BICC1: variants seen among roughly 807,000 people sequenced by gnomAD.
The protein encoded by BICC1 is protein bicaudal C homolog 1.
A neutral mutation model predicts 111.0 loss-of-function variants in BICC1; 43 were observed. The ratio of observed to expected loss-of-function variants is 0.39; its 90% confidence interval spans 0.30 to 0.50. The LOEUF is 0.50. BICC1 is among the 20% of genes least tolerant of loss of function. The pLI is 0.88. For synonymous variants in BICC1, 467 were observed against 434.4 expected, an observed-to-expected ratio of 1.07 and a Z score of -0.93; for missense variants, 1,091 against 1,203.2, an observed-to-expected ratio of 0.91 and a Z score of 1.38.
At chr10:58,588,508 C>G (rs1245351126) in intron 1 of BICC1, among the ~76,000 whole-genome samples, 1 of 152,110 alleles carries the variant, frequency 6.6e-6, no homozygotes, top group Non-Finnish European at 1.5e-5. Flanking sequence ...TCTTTTTTGT[C>G]TACCTTGAAT....
At chr10:58,775,090 G>A (rs1361993769) in intron 3 of BICC1, among the ~76,000 whole-genome samples, 1 of 152,028 alleles carries the variant, frequency 6.6e-6, no homozygotes. Flanking sequence ...AGATATTTAA[G>A]GGCTGGGTGC....
intron 19 of BICC1, 46 bp downstream of exon 19, chr10:58,817,768 G>A: frequency 2.0e-6 from 3 of 1,538,086 alleles, no homozygotes; most frequent in South Asian, 1.3e-5. Flanking sequence ...TTGATTGTGT[G>A]TATGATGACT....
intron 2 of BICC1, among the ~76,000 whole-genome samples, chr10:58,683,415 A>T (rs867632074): frequency 1.3e-5 from 2 of 152,200 alleles, no homozygotes; most frequent in African/African-American, 4.8e-5. Flanking sequence ...CAATTCTGTG[A>T]AGAAAGTCAT....
intron 2 of BICC1, among the ~76,000 whole-genome samples, chr10:58,630,502 C>T (rs1837759556): frequency 6.6e-6 from 1 of 152,082 alleles, no homozygotes; most frequent in African/African-American, 2.4e-5. Context: ...GATCATAGCT[C>T]ACTACAGCCT....
At position 58,793,602 on chromosome 10, in the gene BICC1, A is replaced by G; in HGVS notation, c.1166A>G (p.Lys389Arg). Residue 389 changes from lysine to arginine, a missense_variant, in exon 9 of 21, where the codon AAA becomes AGA. Around this residue, in one of 3 missense-constraint regions of BICC1, gnomAD observed 843 missense variants for 900.8 expected, o/e 0.94. Transcript: ENST00000373886. ...DVFISIKPKPKQPSKSVIVKS... is the reference protein window; with the variant it reads ...DVFISIKPKPRQPSKSVIVKS... ...TTCATCAGTATTAAACCAAAGCCCA[A>G]ACAGCCAAGCAAGGTTGGTTCAGAG... The G allele has an allele frequency of 6.2e-7, 1 of 1,613,844 alleles. No individual in the cohort carries two copies. Among genetic ancestry groups the G allele is most frequent in the Non-Finnish European group, 8.5e-7 (1 of 1,179,916 alleles).
chr10:58,803,122 A>G lies in BICC1; in HGVS notation c.2061A>G (p.Glu687=). 1 of 1,609,626 alleles carries G rather than the reference A, an allele frequency of 6.2e-7. No homozygotes were observed. The highest frequency in any genetic ancestry group is 8.5e-7 in the Non-Finnish European group (1 of 1,177,840). ...LLSDPELSAT[E]SPLADKKAPG... The stretch of plus-strand genomic sequence containing the variant: ...CAGACCCTGAACTGAGTGCTACCGA[A>G]AGCCCTTTGGCTGACAAGAAGGCTC... Residue 687 remains glutamate (E), a synonymous_variant, in exon 15 of 21, where the codon GAA becomes GAG. Transcript: ENST00000373886.
intron 2 of BICC1, among the ~76,000 whole-genome samples, chr10:58,686,478 T>C (rs537428712): frequency 6.6e-6 from 1 of 152,300 alleles, no homozygotes; most frequent in East Asian, 1.9e-4. Flanking sequence ...TTGGTTCCAT[T>C]CTCCCCATCA....
intron 1 of BICC1, among the ~76,000 whole-genome samples, chr10:58,593,324 A>C (rs2393452): frequency 0.29 from 43,915 of 151,848 alleles, 6,618 homozygotes; most frequent in East Asian, 0.45. Flanking sequence ...CTTCAGCAGA[A>C]TTAATGTCCC....
intron 2 of BICC1, among the ~76,000 whole-genome samples, chr10:58,685,958 A>G (rs1839711004): frequency 6.6e-6 from 1 of 152,150 alleles, no homozygotes; most frequent in African/African-American, 2.4e-5. Context: ...TCTTCCTAGC[A>G]TCAATGGTCT....
intron 3 of BICC1, among the ~76,000 whole-genome samples, chr10:58,781,664 G>T (rs542254135): frequency 6.6e-6 from 1 of 152,204 alleles, no homozygotes; most frequent in East Asian, 1.9e-4. Flanking sequence ...TCTCTGTCAA[G>T]TATTTGCAGA....
At chr10:58,595,751 GGAGAAA>G (rs1844792117) in intron 1 of BICC1, among the ~76,000 whole-genome samples, 1 of 152,002 alleles carries the variant, frequency 6.6e-6, no homozygotes, top group East Asian at 1.9e-4. Context: ...TATGGCCACA[GGAGAAA>G]GCAGGAAAGA....
rs780018885 is a variant in BICC1, at chr10:58,800,237, G to T, written c.1769G>T (p.Gly590Val). ...KYGAISTSSL[G>V]EKVLSANHGD... ...GGTGCAATATCCACTTCATCACTTG[G>T]AGAAAAAGTGCTGAGTGCAAATCAC... Residue 590 changes from glycine (G) to valine (V), a missense_variant, in exon 13 of 21, where the codon GGA (glycine) becomes GTA (valine). Physicochemically the swap from Gly to Val is moderately radical, Grantham distance 109. Coordinates refer to ENST00000373886, the MANE Select transcript of BICC1 (RefSeq NM_001080512.3). 6.2e-7 allele frequency: 1 copy of T among 1,609,912 alleles called. No individual in the cohort carries two copies. The highest frequency in any genetic ancestry group is 8.5e-7 in the Non-Finnish European group (1 of 1,176,520).
intron 1 of BICC1, among the ~76,000 whole-genome samples, chr10:58,514,050 A>G (rs1462919720): frequency 6.6e-6 from 1 of 152,208 alleles, no homozygotes; most frequent in African/African-American, 2.4e-5. Context: ...ACTTAGAATT[A>G]TTTTTAACTC....
At chr10:58,752,148 A>G (rs182377517) in intron 3 of BICC1, among the ~76,000 whole-genome samples, 1 of 152,160 alleles carries the variant, frequency 6.6e-6, no homozygotes, top group South Asian at 2.1e-4. Flanking sequence ...CCACTTTGCT[A>G]TAATTATATT....
intron 1 of BICC1, among the ~76,000 whole-genome samples, chr10:58,594,424 T>G (rs1844743513): frequency 6.6e-6 from 1 of 152,086 alleles, no homozygotes; most frequent in Middle Eastern, 3.2e-3. Flanking sequence ...CACATAATTT[T>G]GAGATTCTCC....
intron 2 of BICC1, among the ~76,000 whole-genome samples, chr10:58,676,353 C>G (rs558287672): frequency 1.1e-4 from 16 of 152,280 alleles, no homozygotes; most frequent in African/African-American, 3.6e-4. Flanking sequence ...CCGATGGAGC[C>G]CAACAAGCTA....
intron 3 of BICC1, among the ~76,000 whole-genome samples, chr10:58,704,953 A>G (rs945474987): frequency 1.9e-4 from 29 of 152,238 alleles, no homozygotes; most frequent in African/African-American, 7.0e-4. Flanking sequence ...TTCCTAAATT[A>G]GCTTCCATAG....
chr10:58,764,993 A>G (rs2132697647), intron 3 of BICC1, among the ~76,000 whole-genome samples: 1 of 152,320 alleles, frequency 6.6e-6, no homozygotes, highest in East Asian at 1.9e-4. Context: ...TTACATAACC[A>G]AATTATGGTC....
chr10:58,607,217 G>A (rs1845249425), intron 1 of BICC1, among the ~76,000 whole-genome samples: 1 of 152,008 alleles, frequency 6.6e-6, no homozygotes, highest in Non-Finnish European at 1.5e-5. Context: ...TCGGGAGGCT[G>A]AGGCAGGACA....
Sources: allele counts gnomAD v4.1 joint callset (sites outside exome capture counted in the v4.1 genomes callset), GRCh38; gene constraint gnomAD v4.1.1; regional missense constraint gnomAD v4.1.1; transcripts MANE v1.5; gene names NCBI Gene and HGNC (gene_info 2026-07-23, HGNC 2026-07-21).